VTI1A: variants seen among roughly 807,000 people sequenced by gnomAD.
VTI1A encodes vesicle transport through interaction with t-SNAREs homolog 1A.
Under a neutral mutation model 34.9 loss-of-function variants are expected in VTI1A, and 22 were observed. The observed-to-expected ratio is 0.63, with a 90% CI of 0.45 to 0.90. VTI1A has a LOEUF of 0.90. Among genes scored for constraint, VTI1A ranks in the 40% least tolerant of loss-of-function variants. The pLI is 0.00. For synonymous variants in VTI1A, 87 were observed against 97.3 expected (o/e 0.89, Z 0.62); for missense variants, 268 against 275.6 (o/e 0.97, Z 0.20).
At chr10:112,479,860 A>G (rs573235922) in intron 3 of VTI1A, among the ~76,000 whole-genome samples, 28 of 152,198 alleles carry the variant, frequency 1.8e-4, no homozygotes, top group Non-Finnish European at 1.8e-4. Flanking sequence ...CTCATATTCT[A>G]TCTCATGTAC....
chr10:112,490,524 A>C (rs187537410), intron 3 of VTI1A, among the ~76,000 whole-genome samples: 132 of 152,168 alleles, frequency 8.7e-4, no homozygotes, highest in African/African-American at 3.0e-3. Flanking sequence ...AAAATAACTC[A>C]CTATATGTGT....
chr10:112,771,347 T>C (rs1450207901), intron 7 of VTI1A, among the ~76,000 whole-genome samples: 2 of 152,214 alleles, frequency 1.3e-5, no homozygotes, highest in Non-Finnish European at 2.9e-5. Flanking sequence ...GTGTTCCTTC[T>C]CTCCATCCTG....
At chr10:112,515,670 TA>T (rs1296857396) in intron 3 of VTI1A, among the ~76,000 whole-genome samples, 1 of 152,064 alleles carries the variant, frequency 6.6e-6, no homozygotes, top group Non-Finnish European at 1.5e-5. Context: ...AAATGCAACA[TA>T]ATGTCACCTT....
chr10:112,553,519 C>G (rs916598544), intron 5 of VTI1A, among the ~76,000 whole-genome samples: 3 of 152,240 alleles, frequency 2.0e-5, no homozygotes, highest in Non-Finnish European at 4.4e-5. Flanking sequence ...GCCCCAGTGG[C>G]TTGATTCAGT....
At chr10:112,708,920 C>G (rs1849298074) in intron 7 of VTI1A, among the ~76,000 whole-genome samples, 2 of 152,218 alleles carry the variant, frequency 1.3e-5, no homozygotes, top group African/African-American at 2.4e-5. Context: ...GCGCAAAGAG[C>G]AGTACTTGGT....
At chr10:112,842,085 C>T in the VTI1A span, among the ~76,000 whole-genome samples, 4 of 85,262 alleles carry the variant, frequency 4.7e-5, no homozygotes, top group Admixed American at 2.0e-4. Flanking sequence ...TTTTTTGAGA[C>T]GGAGTCTCAC....
At chr10:112,576,003 CCTTTT>C (rs200835451) in intron 5 of VTI1A, among the ~76,000 whole-genome samples, 1 of 148,140 alleles carries the variant, frequency 6.8e-6, no homozygotes, top group Non-Finnish European at 1.5e-5. Context: ...CTGCCCCCTG[CCTTTT>C]CTTTTCTTTT....
intron 2 of VTI1A, among the ~76,000 whole-genome samples, chr10:112,463,404 A>T (rs1358476729): frequency 6.6e-6 from 1 of 152,214 alleles, no homozygotes. Flanking sequence ...TAGTTTTCAC[A>T]GCTGCTCTGT....
At chr10:112,752,495 T>C (rs1851137833) in intron 7 of VTI1A, 1 of 985,360 alleles carries the variant, frequency 1.0e-6, no homozygotes, top group Admixed American at 6.1e-5. Context: ...TCAAACTTTT[T>C]GACCTTTGTG....
At chr10:112,466,678 C>A (rs543436988) in intron 3 of VTI1A, among the ~76,000 whole-genome samples, 1 of 152,176 alleles carries the variant, frequency 6.6e-6, no homozygotes, top group South Asian at 2.1e-4. Flanking sequence ...ATTGTTTTAG[C>A]TTGCTTACCT....
intron 5 of VTI1A, among the ~76,000 whole-genome samples, chr10:112,543,848 T>C (rs1850964706): frequency 6.6e-6 from 1 of 152,212 alleles, no homozygotes; most frequent in Non-Finnish European, 1.5e-5. Context: ...CTTGAATTAA[T>C]TTTTGTATAA....
chr10:112,815,406 ACAG>A lies in VTI1A; in HGVS notation c.*26_*28del, dbSNP rs750992396. On this transcript the variant is annotated 3_prime_UTR_variant, in exon 8 of 8. Coordinates refer to ENST00000393077, the MANE Select transcript of VTI1A (RefSeq NM_145206.4). ...TGATGTATCTGCTCTCCCTTGATAA[ACAG>A]CAACAACAGCTTGTTCTGAGTAATT... 37 of 1,572,098 alleles carry A rather than the reference ACAG, an allele frequency of 2.4e-5. No individual in the cohort carries two copies. Among genetic ancestry groups the A allele is most frequent in the Non-Finnish European group, 3.2e-5 (37 of 1,141,824 alleles).
chr10:112,487,571 T>G (rs772222493), intron 3 of VTI1A, among the ~76,000 whole-genome samples: 6 of 152,202 alleles, frequency 3.9e-5, no homozygotes, highest in Non-Finnish European at 7.3e-5. Flanking sequence ...TTTATTTGCT[T>G]GCTGTAATCA....
chr10:112,582,627 A>G (rs1843993554), intron 5 of VTI1A, among the ~76,000 whole-genome samples: 1 of 152,154 alleles, frequency 6.6e-6, no homozygotes, highest in Admixed American at 6.5e-5. Context: ...TTTGGTAGAG[A>G]GGAAACTCCA....
chr10:112,515,906 G>A (rs2134191477), intron 3 of VTI1A, among the ~76,000 whole-genome samples: 1 of 152,206 alleles, frequency 6.6e-6, no homozygotes, highest in East Asian at 1.9e-4. Flanking sequence ...GCGATCTATA[G>A]TAATTCTTAT....
At chr10:112,770,063 T>G (rs1851760522) in intron 7 of VTI1A, among the ~76,000 whole-genome samples, 1 of 152,144 alleles carries the variant, frequency 6.6e-6, no homozygotes, top group African/African-American at 2.4e-5. Flanking sequence ...ATTTTTTTTT[T>G]TTTTAATTTC....
intron 5 of VTI1A, among the ~76,000 whole-genome samples, chr10:112,619,832 G>A (rs1358699885): frequency 1.3e-5 from 2 of 152,190 alleles, no homozygotes; most frequent in African/African-American, 4.8e-5. Flanking sequence ...TATGTAGTGG[G>A]ATCAGGAAGG....
chr10:112,681,816 A>G (rs1167530466), intron 7 of VTI1A, among the ~76,000 whole-genome samples: 3 of 152,188 alleles, frequency 2.0e-5, no homozygotes. Flanking sequence ...TCTACATATG[A>G]TTCATGAATA....
chr10:112,502,677 C>T (rs1165510336), intron 3 of VTI1A, among the ~76,000 whole-genome samples: 3 of 152,164 alleles, frequency 2.0e-5, no homozygotes, highest in African/African-American at 7.2e-5. Context: ...GTGCTTATGA[C>T]CAGAAGCATG....
Sources: gnomAD v4.1 joint callset for allele counts (sites outside exome capture counted in the v4.1 genomes callset) on GRCh38, gnomAD v4.1.1 for gene constraint, MANE v1.5 for transcripts, NCBI Gene and HGNC (gene_info 2026-07-23, HGNC 2026-07-21) for gene names.